GPR137C: variants seen among roughly 807,000 people sequenced by gnomAD.
The protein encoded by GPR137C is integral membrane protein GPR137C.
A neutral mutation model predicts 43.4 loss-of-function variants in GPR137C; 27 were observed. The ratio of observed to expected loss-of-function variants is 0.62; its 90% confidence interval spans 0.46 to 0.86. The LOEUF is 0.86. GPR137C is among the 40% of genes least tolerant of loss of function. The pLI is 0.00. For missense variants in GPR137C, 522 were observed against 534.6 expected (o/e 0.98, Z 0.23); for synonymous variants, 285 against 226.9 (o/e 1.26, Z -2.30).
At chr14:52,603,727 C>T (rs1435532744) in intron 3 of GPR137C, among the ~76,000 whole-genome samples, 2 of 151,868 alleles carry the variant, frequency 1.3e-5, no homozygotes, top group Admixed American at 6.6e-5. Flanking sequence ...TTAGTAGAGA[C>T]GGGGTTTCAC....
intron 1 of GPR137C, among the ~76,000 whole-genome samples, chr14:52,587,341 G>C: frequency 6.6e-6 from 1 of 152,290 alleles, no homozygotes; most frequent in African/African-American, 2.4e-5. Flanking sequence ...TATAAAGAAT[G>C]ACATTCTAGT....
At position 52,553,518 on chromosome 14, in the gene GPR137C, A is replaced by G; in HGVS notation, c.371A>G (p.His124Arg). The change falls in exon 1 of 7, where the codon CAC (histidine) becomes CGC (arginine). Residue 124 changes from histidine (H) to arginine (R), a missense_variant. Physicochemically the swap from His to Arg is conservative, Grantham distance 29. Transcript: ENST00000321662. ...RPPAHLHFFPHWLLYCFPSCL... is the reference protein window; with the variant it reads ...RPPAHLHFFPRWLLYCFPSCL... The stretch of plus-strand genomic sequence containing the variant: ...CCCGCTCACCTGCACTTCTTCCCCC[A>G]CTGGCTGCTCTACTGCTTCCCCTCC... 6.2e-7 allele frequency: 1 copy of G among 1,608,812 alleles called. No individual in the cohort carries two copies. Among genetic ancestry groups the G allele is most frequent in the Non-Finnish European group, 8.5e-7 (1 of 1,179,520 alleles).
At chr14:52,557,527 G>GT (rs563144326) in intron 1 of GPR137C, among the ~76,000 whole-genome samples, 136 of 152,234 alleles carry the variant, frequency 8.9e-4, no homozygotes, top group African/African-American at 2.7e-3. Flanking sequence ...TTAGTTCAAT[G>GT]TTTGACTTTT....
chr14:52,607,051 C>T (rs1025818799), intron 3 of GPR137C, among the ~76,000 whole-genome samples: 1 of 152,092 alleles, frequency 6.6e-6, no homozygotes, highest in African/African-American at 2.4e-5. Context: ...AGCCATTGAT[C>T]GTTCAGGAAC....
chr14:52,634,361 C>T (rs1368283408), intron 6 of GPR137C, among the ~76,000 whole-genome samples: 1 of 152,070 alleles, frequency 6.6e-6, no homozygotes, highest in Non-Finnish European at 1.5e-5. Flanking sequence ...CCATGCCCTC[C>T]TTGTTACAAA....
intron 3 of GPR137C, among the ~76,000 whole-genome samples, chr14:52,625,727 TG>T (rs1326092986): frequency 1.3e-5 from 2 of 151,560 alleles, no homozygotes; most frequent in Admixed American, 6.6e-5. Context: ...GCTAATTTTT[TG>T]TATTTTTAGT....
chr14:52,611,940 T>C (rs2039043350), intron 3 of GPR137C: 1 of 984,802 alleles, frequency 1.0e-6, no homozygotes, highest in African/African-American at 1.7e-5. Flanking sequence ...TTTGACATAG[T>C]TTATAGAATA....
At chr14:52,629,681 G>C (rs994908141) in intron 3 of GPR137C, among the ~76,000 whole-genome samples, 1 of 152,186 alleles carries the variant, frequency 6.6e-6, no homozygotes, top group African/African-American at 2.4e-5. Flanking sequence ...TTGTGTTTTG[G>C]GTTTGGTTGA....
At chr14:52,633,740 G>T (rs938709819) in intron 5 of GPR137C, 85 bp downstream of exon 5, 36 of 1,547,966 alleles carry the variant, frequency 2.3e-5, no homozygotes, top group Admixed American at 5.4e-5. Context: ...TTTGGCAAAG[G>T]TTAAGACTAA....
At chr14:52,593,541 T>C (rs1242540799) in intron 1 of GPR137C, among the ~76,000 whole-genome samples, 1 of 152,234 alleles carries the variant, frequency 6.6e-6, no homozygotes, top group Non-Finnish European at 1.5e-5. Context: ...ATTCAACTTC[T>C]TCCTGGTTTA....
chr14:52,559,362 C>T (rs575102054), intron 1 of GPR137C, among the ~76,000 whole-genome samples: 1 of 152,060 alleles, frequency 6.6e-6, no homozygotes, highest in African/African-American at 2.4e-5. Context: ...AGCCTGGCGA[C>T]AGAGCAAGAC....
At chr14:52,565,118 T>A (rs1340301516) in intron 1 of GPR137C, among the ~76,000 whole-genome samples, 1 of 152,166 alleles carries the variant, frequency 6.6e-6, no homozygotes, top group Non-Finnish European at 1.5e-5. Context: ...TCAAATCATC[T>A]GATTTTTCAA....
intron 3 of GPR137C, among the ~76,000 whole-genome samples, chr14:52,607,922 A>G (rs2139542868): frequency 6.6e-6 from 1 of 152,024 alleles, no homozygotes; most frequent in East Asian, 1.9e-4. Context: ...TGATATGAAT[A>G]TAGCTCTTCC....
At chr14:52,554,318 C>A (rs562026301) in intron 1 of GPR137C, among the ~76,000 whole-genome samples, 1 of 152,284 alleles carries the variant, frequency 6.6e-6, no homozygotes, top group South Asian at 2.1e-4. Flanking sequence ...ACTAGCTTAA[C>A]CTGTGCCTAT....
rs533153342 is a variant in GPR137C, at chr14:52,633,952, T to C, written c.1112+6T>C. On this transcript the variant is annotated splice_donor_region_variant and intron_variant, in intron 6 of 6. Transcript: ENST00000321662. ...GGAAGTTCAAGAGAAGGAAGGTAGATGTAACAAAGCCACTTAGCCTGAATT... is the reference window on the plus strand; with the variant it reads ...GGAAGTTCAAGAGAAGGAAGGTAGACGTAACAAAGCCACTTAGCCTGAATT... The C allele has an allele frequency of 6.7e-7, 1 of 1,492,052 alleles. No individual in the cohort carries two copies. Among genetic ancestry groups the C allele is most frequent in the Non-Finnish European group, 9.3e-7 (1 of 1,069,638 alleles). 92.4% of individuals were successfully genotyped at this position (1,492,052 alleles called of 1,614,324 possible).
At chr14:52,615,165 T>C (rs759166367) in intron 3 of GPR137C, among the ~76,000 whole-genome samples, 1 of 152,232 alleles carries the variant, frequency 6.6e-6, no homozygotes, top group African/African-American at 2.4e-5. Flanking sequence ...TTCATTCTTC[T>C]GCATATGTAT....
chr14:52,596,985 G>A (rs1348416152), intron 1 of GPR137C: 1 of 454,882 alleles, frequency 2.2e-6, no homozygotes, highest in East Asian at 6.9e-5. Context: ...TCCAAATGGT[G>A]CGTTTGTAAC....
At position 52,565,732 on chromosome 14, in the gene GPR137C, T is replaced by C. The variant is rs527462607; in HGVS notation, c.444+12141T>C. ...CATGGAACATTTCATCTAATTTGTT[T>C]TAAATAAAGACAAACTTCTAAAAAT... On this transcript the variant is annotated intron_variant, in intron 1 of 6. Transcript: ENST00000321662. 2.2e-4 allele frequency among the ~76,000 whole-genome samples: 34 copies of C among 152,322 alleles called. 1 individual carries two copies. The Middle Eastern group carries it at 0.02, about 91-fold the overall frequency.
chr14:52,555,142 A>C (rs1293698905), intron 1 of GPR137C, among the ~76,000 whole-genome samples: 1 of 152,166 alleles, frequency 6.6e-6, no homozygotes, highest in Non-Finnish European at 1.5e-5. Flanking sequence ...CTTTTACTCC[A>C]GGTTCAGATG....
Sources: gnomAD v4.1 joint callset for allele counts (sites outside exome capture counted in the v4.1 genomes callset) on GRCh38, gnomAD v4.1.1 for gene constraint, MANE v1.5 for transcripts, NCBI Gene and HGNC (gene_info 2026-07-23, HGNC 2026-07-21) for gene names.